The following RGS3 variants were observed in gnomAD, a reference collection of about 807,000 sequenced individuals.
RGS3 encodes regulator of G protein signaling 3, also known as regulator of G-protein signalling 3.
A neutral mutation model predicts 132.6 loss-of-function variants in RGS3; 80 were observed. The observed-to-expected ratio is 0.60, with a 90% CI of 0.50 to 0.73. RGS3 has a LOEUF of 0.73. RGS3 is among the 30% of genes least tolerant of loss of function. RGS3 has a pLI of 0.00. For missense variants in RGS3, 1,382 were observed against 1,530.8 expected (o/e 0.90, Z 1.62); for synonymous variants, 598 against 620.6 (o/e 0.96, Z 0.54).
intron 19 of RGS3, among the ~76,000 whole-genome samples, chr9:113,538,675 C>T (rs1832781416): frequency 6.6e-6 from 1 of 152,172 alleles, no homozygotes; most frequent in African/African-American, 2.4e-5. Flanking sequence ...GGTTTGAGGC[C>T]TGGCTTCAGG....
intron 17 of RGS3, among the ~76,000 whole-genome samples, chr9:113,527,185 A>G (rs931456879): frequency 6.6e-6 from 1 of 152,166 alleles, no homozygotes; most frequent in Non-Finnish European, 1.5e-5. Context: ...TCCATCCACC[A>G]TTCCCTGCCA....
chr9:113,446,243 C>T (rs557452356), intron 1 of RGS3, among the ~76,000 whole-genome samples: 1 of 152,226 alleles, frequency 6.6e-6, no homozygotes, highest in South Asian at 2.1e-4. Flanking sequence ...GTATGAAATT[C>T]ATTTGTCCTT....
At chr9:113,451,184 A>AAAAG (rs1829234672) in intron 1 of RGS3, among the ~76,000 whole-genome samples, 1 of 151,206 alleles carries the variant, frequency 6.6e-6, no homozygotes, top group Non-Finnish European at 1.5e-5. Context: ...GTCTCAAAAA[A>AAAAG]AAAGAAAAAA....
Position 113,591,424 on chromosome 9 carries a change from G to A in RGS3, c.3080+27G>A. On this transcript the variant is annotated intron_variant, in intron 21 of 24. Transcript: ENST00000350696. The surrounding 1 kb of genome is among the most constrained non-coding windows in gnomAD (Gnocchi z 4.4). Reference sequence around the variant, plus strand: ...TACGTTGGGAAGATCCCTGGCTTCTGCGCTCCTCTTCCTCCCTTGCCCCAG... The same window carrying A: ...TACGTTGGGAAGATCCCTGGCTTCTACGCTCCTCTTCCTCCCTTGCCCCAG... 1.2e-6 allele frequency: 2 copies of A among 1,602,840 alleles called. No homozygotes were observed. Among genetic ancestry groups the A allele is most frequent in the Non-Finnish European group, 1.7e-6 (2 of 1,170,344 alleles).
chr9:113,596,755 T>G lies in RGS3; in HGVS notation c.3412-13T>G. 1 of 1,601,040 alleles carries G rather than the reference T, an allele frequency of 6.2e-7. No individual in the cohort carries two copies. Among genetic ancestry groups the G allele is most frequent in the Non-Finnish European group, 8.5e-7 (1 of 1,173,730 alleles). On this transcript the variant is annotated splice_polypyrimidine_tract_variant and intron_variant, in intron 24 of 24. Coordinates refer to ENST00000350696, the Ensembl canonical transcript of RGS3. ...GCAGGCAGCCCTGACCATGTCCCCC[T>G]CTGCCTCCCCAGGTCAACCTGGACT...
intron 4 of RGS3, 158 bp from the exon 3 acceptor site, chr9:113,482,901 C>CT (rs1830209156): frequency 1.3e-6 from 2 of 1,488,242 alleles, no homozygotes; most frequent in Non-Finnish European, 1.8e-6. Flanking sequence ...GATTAAGGGC[C>CT]TAGTAGCAGG....
At chr9:113,497,383 C>A (rs564374250) in exon 9 of RGS3, 1 of 1,613,278 alleles carries the variant, frequency 6.2e-7, no homozygotes, top group Non-Finnish European at 8.5e-7. Context: ...GGTGGCCAGG[C>A]GGCGACTGCG....
chr9:113,447,647 G>A (rs1829142056), intron 1 of RGS3, among the ~76,000 whole-genome samples: 1 of 151,458 alleles, frequency 6.6e-6, no homozygotes, highest in Non-Finnish European at 1.5e-5. Flanking sequence ...TATTTATTGA[G>A]CACCTATTAT....
At chr9:113,461,870 A>G (rs751163201) in intron 2 of RGS3, 42 of 1,611,444 alleles carry the variant, frequency 2.6e-5, no homozygotes, top group Non-Finnish European at 3.5e-5. Context: ...GGTGACTATC[A>G]TCTCAGGCAC....
In RGS3 at chr9:113,541,977, G is replaced by A. The variant is rs565177229; in HGVS notation, c.2037+5059G>A. 2.9e-5 allele frequency: 16 copies of A among 551,862 alleles called. 1 individual carries two copies. In the South Asian group the frequency reaches 7.9e-4, roughly 27 times the overall value. 34.2% of individuals were successfully genotyped at this position (551,862 alleles called of 1,614,324 possible). ...TGGTCTCGCTCTCATCAAGATTTCA[G>A]TCTAGCTGGGAGTGAGCGTTAAATA... On this transcript the variant is annotated intron_variant, in intron 19 of 24. Coordinates refer to ENST00000350696, the Ensembl canonical transcript of RGS3.
Position 113,569,567 on chromosome 9 carries a change from G to GTCTTTCCT in RGS3, c.2038-13872_2038-13865dup, listed in dbSNP as rs1348299995. On this transcript the variant is annotated intron_variant, in intron 19 of 24. Coordinates refer to ENST00000350696, the Ensembl canonical transcript of RGS3. ...TCCTCTCTGCCTGTCTCCCTTCCGT[G>GTCTTTCCT]TCTTTCCTTCTTTCCTTCCTTCCTT... Among the ~76,000 whole-genome samples, 460 of 124,312 alleles carry GTCTTTCCT rather than the reference G, an allele frequency of 3.7e-3. 20 individuals carry two copies. Among genetic ancestry groups the GTCTTTCCT allele is most frequent in the African/African-American group, 0.013 (428 of 31,942 alleles). The allele number at this position is 124,312 out of a possible 152,430, so 81.6% of individuals were successfully genotyped here.
chr9:113,566,168 C>A (rs1045400537), intron 19 of RGS3, among the ~76,000 whole-genome samples: 3 of 152,182 alleles, frequency 2.0e-5, no homozygotes, highest in Non-Finnish European at 2.9e-5. Context: ...GTTTCACTGG[C>A]AGGGGAAGAG....
At chr9:113,464,147 T>C (rs1829553560) in intron 3 of RGS3, among the ~76,000 whole-genome samples, 1 of 152,240 alleles carries the variant, frequency 6.6e-6, no homozygotes, top group Admixed American at 6.5e-5. Flanking sequence ...ATAATCACGC[T>C]CTGGTTAATC....
At chr9:113,461,600 C>A in intron 1 of RGS3, 1 of 1,130,218 alleles carries the variant, frequency 8.8e-7, no homozygotes, top group Non-Finnish European at 1.3e-6. Context: ...AATATGTTAG[C>A]TGCAGAGTGG....
chr9:113,499,226 CAAAAA>C (rs57507668), intron 10 of RGS3, among the ~76,000 whole-genome samples: 1 of 60,680 alleles, frequency 1.6e-5, no homozygotes, highest in Non-Finnish European at 3.3e-5. Context: ...GATTCCATCT[CAAAAA>C]AAAAAAAAAA....
At chr9:113,585,872 T>G (rs1394412520) in intron 20 of RGS3, among the ~76,000 whole-genome samples, 1 of 152,236 alleles carries the variant, frequency 6.6e-6, no homozygotes, top group East Asian at 1.9e-4. Flanking sequence ...CTAGTCATTC[T>G]GACAGGGCAG....
chr9:113,540,083 C>A (rs1017592607), intron 19 of RGS3, among the ~76,000 whole-genome samples: 2 of 152,016 alleles, frequency 1.3e-5, no homozygotes, highest in Non-Finnish European at 1.5e-5. Flanking sequence ...TCTCAACTTC[C>A]TACTCCTGTT....
At chr9:113,533,469 G>A (rs1261414793) in intron 18 of RGS3, among the ~76,000 whole-genome samples, 1 of 152,208 alleles carries the variant, frequency 6.6e-6, no homozygotes, top group Non-Finnish European at 1.5e-5. Flanking sequence ...GACCTCAGGT[G>A]ATCTGCCTGC....
At chr9:113,499,948 G>A (rs59655252) in intron 10 of RGS3, among the ~76,000 whole-genome samples, 1 of 152,308 alleles carries the variant, frequency 6.6e-6, no homozygotes, top group African/African-American at 2.4e-5. Flanking sequence ...GAACTGCAAA[G>A]ACCTTTCCTC....
Sources: gnomAD v4.1 joint callset for allele counts (sites outside exome capture counted in the v4.1 genomes callset) on GRCh38, gnomAD v4.1.1 for gene constraint, Gnocchi (gnomAD v3.1) non-coding constraint, MANE v1.5 for transcripts, NCBI Gene and HGNC (gene_info 2026-07-23, HGNC 2026-07-21) for gene names.